CADPS: variants seen among roughly 807,000 people sequenced by gnomAD.
The protein encoded by CADPS is calcium-dependent secretion activator 1.
Under a neutral mutation model 167.3 loss-of-function variants are expected in CADPS, and 57 were observed. That is an observed-to-expected ratio of 0.34 (90% CI 0.28 to 0.42). CADPS has a LOEUF of 0.42. Ranked by LOEUF, CADPS falls within the 20% of genes least tolerant of loss-of-function variation. CADPS has a pLI of 1.00. For synonymous variants in CADPS, 676 were observed against 635.3 expected, an observed-to-expected ratio of 1.06 and a Z score of -0.96; for missense variants, 1,414 against 1,738.1, an observed-to-expected ratio of 0.81 and a Z score of 3.32.
chr3:62,804,961 T>C (rs1280184467), intron 1 of CADPS, among the ~76,000 whole-genome samples: 1 of 152,078 alleles, frequency 6.6e-6, no homozygotes, highest in Non-Finnish European at 1.5e-5. Context: ...TCAAGAAATA[T>C]AGAGGCCCAA....
intron 21 of CADPS, among the ~76,000 whole-genome samples, chr3:62,483,553 G>T (rs1168740407): frequency 6.6e-6 from 1 of 152,156 alleles, no homozygotes. Context: ...TTCTGTAAGG[G>T]AAACAGGTGT....
chr3:62,531,721 T>G (rs1465264589), intron 13 of CADPS, among the ~76,000 whole-genome samples: 1 of 152,114 alleles, frequency 6.6e-6, no homozygotes, highest in African/African-American at 2.4e-5. Context: ...TCACTGGCTG[T>G]TGGTTGGGGA....
At chr3:62,648,690 T>TAAAAAAAAAAAAAAAAAA (rs1563318209) in intron 5 of CADPS, among the ~76,000 whole-genome samples, 1 of 1,606 alleles carries the variant, frequency 6.2e-4, no homozygotes, top group African/African-American at 1.3e-3. Flanking sequence ...AGACGTTGTG[T>TAAAAAAAAAAAAAAAAAA]CAAAAAAAAA....
At chr3:62,401,912 A>G (rs766864764) in intron 29 of CADPS, among the ~76,000 whole-genome samples, 1 of 152,242 alleles carries the variant, frequency 6.6e-6, no homozygotes, top group Non-Finnish European at 1.5e-5. Context: ...GGTCAAACAG[A>G]CAATTTCCCC....
chr3:62,667,611 C>G (rs546696436), intron 3 of CADPS, among the ~76,000 whole-genome samples: 4 of 152,242 alleles, frequency 2.6e-5, no homozygotes, highest in Admixed American at 2.0e-4. Flanking sequence ...GAAACTCACT[C>G]TATCCCATTT....
At chr3:62,866,126 G>C (rs2081628531) in intron 1 of CADPS, among the ~76,000 whole-genome samples, 1 of 152,046 alleles carries the variant, frequency 6.6e-6, no homozygotes, top group African/African-American at 2.4e-5. Context: ...CATTGCAAGG[G>C]ATTCATAAAG....
chr3:62,675,177 T>C (rs2076153293), intron 3 of CADPS, among the ~76,000 whole-genome samples: 2 of 152,038 alleles, frequency 1.3e-5, no homozygotes, highest in Admixed American at 1.3e-4. Context: ...AGGCTCAGTG[T>C]GACAGGGAAA....
chr3:62,547,708 T>C (rs1179803112), intron 11 of CADPS, among the ~76,000 whole-genome samples: 1 of 151,744 alleles, frequency 6.6e-6, no homozygotes, highest in African/African-American at 2.4e-5. Flanking sequence ...AATTGAGTCT[T>C]TCTGCTGATG....
intron 10 of CADPS, among the ~76,000 whole-genome samples, chr3:62,552,609 C>T (rs1197001019): frequency 2.0e-5 from 3 of 152,168 alleles, no homozygotes; most frequent in Non-Finnish European, 2.9e-5. Context: ...TGAGGTCCAG[C>T]CAGTAATCTG....
intron 3 of CADPS, among the ~76,000 whole-genome samples, chr3:62,726,529 A>T (rs527600): frequency 0.23 from 34,383 of 151,590 alleles, 4,406 homozygotes; most frequent in African/African-American, 0.31. Flanking sequence ...GGGGCCATGG[A>T]CTCAGTCCTC....
intron 2 of CADPS, among the ~76,000 whole-genome samples, chr3:62,762,595 G>A (rs1259421014): frequency 2.0e-5 from 3 of 149,742 alleles, no homozygotes; most frequent in Non-Finnish European, 4.4e-5. Flanking sequence ...GGTTGAGGCT[G>A]CAGTGAGCTG....
intron 28 of CADPS, among the ~76,000 whole-genome samples, chr3:62,424,236 T>C (rs966263629): frequency 2.6e-5 from 4 of 152,070 alleles, no homozygotes; most frequent in African/African-American, 9.7e-5. Context: ...CAGGTTGGAG[T>C]GCAGTGGCAC....
chr3:62,478,466 C>T lies in CADPS; in HGVS notation c.3174-50G>A. 1 of 1,546,338 alleles carries T rather than the reference C, an allele frequency of 6.5e-7. No individual in the cohort carries two copies. The highest frequency in any genetic ancestry group is 8.8e-7 in the Non-Finnish European group (1 of 1,135,396). ...GAGAGTCACCCACTGGCCTCAGGCT[C>T]TACAAAAACTAACACAGAGACAACT... On this transcript the variant is annotated intron_variant, in intron 22 of 29. Transcript: ENST00000383710. This position sits in a 1 kb window ranked among gnomAD's most constrained non-coding sequence, Gnocchi z 5.7.
chr3:62,785,589 C>T (rs2092339698), intron 1 of CADPS, among the ~76,000 whole-genome samples: 1 of 152,182 alleles, frequency 6.6e-6, no homozygotes, highest in African/African-American at 2.4e-5. Flanking sequence ...CCATCAGCTT[C>T]CCTGCTCCCA....
At chr3:62,556,636 C>G (rs1402331083) in intron 10 of CADPS, among the ~76,000 whole-genome samples, 1 of 152,046 alleles carries the variant, frequency 6.6e-6, no homozygotes, top group African/African-American at 2.4e-5. Flanking sequence ...ATTTCGCACC[C>G]CCCTCCCATT....
chr3:62,782,774 T>C (rs1174537744), intron 1 of CADPS, among the ~76,000 whole-genome samples: 4 of 151,494 alleles, frequency 2.6e-5, no homozygotes, highest in Non-Finnish European at 5.9e-5. Context: ...TTTTTTTTTT[T>C]TTTGAGACGG....
At chr3:62,858,650 CA>C (rs1221090612) in intron 1 of CADPS, among the ~76,000 whole-genome samples, 1 of 152,112 alleles carries the variant, frequency 6.6e-6, no homozygotes, top group African/African-American at 2.4e-5. Context: ...TTAAAATGTA[CA>C]ATCAAAAGCT....
chr3:62,497,198 T>C (rs1444870744), intron 18 of CADPS, among the ~76,000 whole-genome samples: 1 of 152,220 alleles, frequency 6.6e-6, no homozygotes, highest in Non-Finnish European at 1.5e-5. Context: ...TTGAGCAATT[T>C]AGAAAAATAT....
intron 7 of CADPS, among the ~76,000 whole-genome samples, chr3:62,585,604 G>C (rs1015220982): frequency 6.6e-6 from 1 of 152,228 alleles, no homozygotes; most frequent in Non-Finnish European, 1.5e-5. Context: ...CCAGAATGGA[G>C]AATATTGTCC....
Sources: gnomAD v4.1 joint callset for allele counts (sites outside exome capture counted in the v4.1 genomes callset) on GRCh38, gnomAD v4.1.1 for gene constraint, Gnocchi (gnomAD v3.1) non-coding constraint, MANE v1.5 for transcripts, NCBI Gene and HGNC (gene_info 2026-07-23, HGNC 2026-07-21) for gene names.